PPHLN1: variants seen among roughly 807,000 people sequenced by gnomAD.
PPHLN1 encodes periphilin-1.
PPHLN1 carries 29 observed loss-of-function variants against 51.3 expected under a neutral mutation model. The ratio of observed to expected loss-of-function variants is 0.57; its 90% CI spans 0.42 to 0.77. The LOEUF is 0.77. Among genes scored for constraint, PPHLN1 ranks in the 30% least tolerant of loss-of-function variants. The pLI is 0.00. For synonymous variants in PPHLN1, 147 were observed against 147.8 expected, an observed-to-expected ratio of 0.99 and a Z score of 0.04; for missense variants, 436 against 438.4, an observed-to-expected ratio of 0.99 and a Z score of 0.05.
Position 42,425,038 on chromosome 12 carries a change from T to TTATTTTATGTATG in PPHLN1, c.910-16274_910-16273insTTTATGTATGTAT, listed in dbSNP as rs1555219787. On this transcript the variant is annotated intron_variant, in intron 9 of 9. Coordinates refer to ENST00000358314, the MANE Select transcript of PPHLN1 (RefSeq NM_201439.2). Reference sequence around the variant, plus strand: ...CTCAGGTTTTTATTTTTATTTTATTTTATGTATGTATGTATGTATGTATGT... The same window carrying TTATTTTATGTATG: ...CTCAGGTTTTTATTTTTATTTTATTTTATTTTATGTATGTATGTATGTATGTATGTATGTATGT... 4.2e-4 allele frequency among the ~76,000 whole-genome samples: 58 copies of TTATTTTATGTATG among 136,960 alleles called. 1 individual carries two copies. Among genetic ancestry groups the TTATTTTATGTATG allele is most frequent in the Admixed American group, 4.2e-3 (55 of 13,240 alleles). 89.9% of individuals were successfully genotyped at this position (136,960 alleles called of 152,430 possible).
At chr12:42,349,551 G>C (rs1354656028) in intron 2 of PPHLN1, among the ~76,000 whole-genome samples, 1 of 150,978 alleles carries the variant, frequency 6.6e-6, no homozygotes, top group Non-Finnish European at 1.5e-5. Context: ...AGAGGACCCT[G>C]CGGCCTTCCG....
intron 9 of PPHLN1, among the ~76,000 whole-genome samples, chr12:42,417,920 GTTTT>G (rs542371198): frequency 2.0e-5 from 2 of 102,418 alleles, no homozygotes; most frequent in South Asian, 3.1e-4. Context: ...AAAAGCCCTA[GTTTT>G]TTTTTTTGTT....
At chr12:42,349,935 G>C (rs1037372340) in intron 2 of PPHLN1, among the ~76,000 whole-genome samples, 1 of 152,118 alleles carries the variant, frequency 6.6e-6, no homozygotes, top group African/African-American at 2.4e-5. Flanking sequence ...CCTCCCAGAC[G>C]GGGTGGTGGC....
At chr12:42,365,608 G>A (rs2075185833) in intron 4 of PPHLN1, among the ~76,000 whole-genome samples, 1 of 148,328 alleles carries the variant, frequency 6.7e-6, no homozygotes, top group Non-Finnish European at 1.5e-5. Context: ...AGCATCTAAA[G>A]TAATCTGCAA....
chr12:42,337,203 C>A (rs1437724160), intron 2 of PPHLN1, among the ~76,000 whole-genome samples: 2 of 151,212 alleles, frequency 1.3e-5, no homozygotes, highest in Non-Finnish European at 2.9e-5. Context: ...CTCCCCTCTC[C>A]CCTCTGCCAC....
At chr12:42,426,466 A>G (rs1027665234) in intron 9 of PPHLN1, among the ~76,000 whole-genome samples, 1 of 152,116 alleles carries the variant, frequency 6.6e-6, no homozygotes, top group African/African-American at 2.4e-5. Flanking sequence ...TGTTTATTGT[A>G]TTTCTTACAG....
intron 9 of PPHLN1, among the ~76,000 whole-genome samples, chr12:42,426,965 G>A (rs2081555181): frequency 6.6e-6 from 1 of 152,198 alleles, no homozygotes; most frequent in Non-Finnish European, 1.5e-5. Context: ...CATTCCTGCT[G>A]ACAAATTTCT....
chr12:42,382,637 A>G (rs2138956869), intron 5 of PPHLN1, among the ~76,000 whole-genome samples: 1 of 152,302 alleles, frequency 6.6e-6, no homozygotes, highest in South Asian at 2.1e-4. Context: ...TTTTATATTC[A>G]TTGTATTTGT....
At chr12:42,375,250 T>C (rs1188125359) in intron 5 of PPHLN1, 176 bp downstream of exon 5, 1 of 488,630 alleles carries the variant, frequency 2.0e-6, no homozygotes, top group Admixed American at 3.8e-5. Context: ...ACACACATTT[T>C]TTTCAAACTA....
At chr12:42,425,445 G>A (rs2081372047) in intron 9 of PPHLN1, among the ~76,000 whole-genome samples, 1 of 150,862 alleles carries the variant, frequency 6.6e-6, no homozygotes, top group Non-Finnish European at 1.5e-5. Flanking sequence ...GGAGTGCAGT[G>A]GTGCTATCTC....
chr12:42,332,646 TC>T lies in PPHLN1; in HGVS notation c.-20-3230del, dbSNP rs1020582287. ...AGACACAAATCTTTACGTCTGTATT[TC>T]CCCCCCTTACAGGAAATTGTTGAAA... On this transcript the variant is annotated intron_variant, in intron 1 of 9. Transcript: ENST00000358314. The T allele has an allele frequency of 3.5e-5, 55 of 1,564,140 alleles. No individual in the cohort carries two copies. The African/African-American group carries it at 4.9e-4, about 14-fold the overall frequency.
chr12:42,338,262 C>A (rs1486970179), intron 2 of PPHLN1, among the ~76,000 whole-genome samples: 4 of 152,180 alleles, frequency 2.6e-5, no homozygotes, highest in Non-Finnish European at 5.9e-5. Context: ...TTTGAAGATA[C>A]TTAAAAGGGT....
chr12:42,404,144 A>ACC (rs1390797427), intron 9 of PPHLN1, among the ~76,000 whole-genome samples: 1 of 152,028 alleles, frequency 6.6e-6, no homozygotes, highest in African/African-American at 2.4e-5. Flanking sequence ...TATGAAAATT[A>ACC]CCATACAGGT....
Position 42,335,993 on chromosome 12 carries a change from T to G in PPHLN1, c.72+19T>G, listed in dbSNP as rs771329915. 5 of 1,483,064 alleles carry G rather than the reference T, an allele frequency of 3.4e-6. No homozygotes were observed. The highest frequency in any genetic ancestry group is 3.6e-6 in the Non-Finnish European group (4 of 1,099,404). 91.9% of individuals were successfully genotyped at this position (1,483,064 alleles called of 1,614,324 possible). On this transcript the variant is annotated intron_variant, in intron 2 of 9. Transcript: ENST00000358314. ...TCCCAGTGTAAGTTACTCCTACATA[T>G]TGAATGATTCAAAAACCTGGTGTCT...
chr12:42,384,825 A>G, intron 5 of PPHLN1, 115 bp from the exon 6 acceptor site: 1 of 955,222 alleles, frequency 1.0e-6, no homozygotes, highest in Admixed American at 2.3e-5. Flanking sequence ...GTTTAGGGCC[A>G]CCAGAAAATG....
chr12:42,441,385 A>G lies in PPHLN1; in HGVS notation c.980A>G (p.Glu327Gly), dbSNP rs201022260. The G allele has an allele frequency of 1.9e-6, 3 of 1,613,782 alleles. No individual in the cohort carries two copies. The highest frequency in any genetic ancestry group is 2.5e-6 in the Non-Finnish European group (3 of 1,179,864). The change falls in exon 10 of 10, where the codon GAA becomes GGA. Residue 327 changes from glutamate (E) to glycine (G), a missense_variant. Physicochemically the swap from Glu to Gly is moderately conservative, Grantham distance 98. Transcript: ENST00000358314. ...KMLIEKDPSL[E>G]KSIQFALRQN... Reference sequence around the variant, plus strand: ...CTGATTGAAAAAGATCCTTCATTAGAAAAGTCTATACAGTTTGCATTGAGG... The same window carrying G: ...CTGATTGAAAAAGATCCTTCATTAGGAAAGTCTATACAGTTTGCATTGAGG...
intron 9 of PPHLN1, among the ~76,000 whole-genome samples, chr12:42,412,675 C>G (rs2079983742): frequency 6.6e-6 from 1 of 152,098 alleles, no homozygotes; most frequent in African/African-American, 2.4e-5. Context: ...GATGGTAGAT[C>G]TACTTTTAAT....
intron 9 of PPHLN1, among the ~76,000 whole-genome samples, chr12:42,414,701 G>T (rs1360421588): frequency 6.6e-6 from 1 of 152,066 alleles, no homozygotes; most frequent in Admixed American, 6.6e-5. Context: ...CGTTTTCTAG[G>T]TATATAGTCA....
intron 9 of PPHLN1, among the ~76,000 whole-genome samples, chr12:42,426,172 C>CACA (rs2081440159): frequency 8.2e-6 from 1 of 122,126 alleles, no homozygotes. Flanking sequence ...AGACTTGACA[C>CACA]CACACACACA....
Sources: gnomAD v4.1 joint callset for allele counts (sites outside exome capture counted in the v4.1 genomes callset) on GRCh38, gnomAD v4.1.1 for gene constraint, MANE v1.5 for transcripts, NCBI Gene and HGNC (gene_info 2026-07-23, HGNC 2026-07-21) for gene names.